ZFHX3: variants seen among roughly 807,000 people sequenced by gnomAD.
The protein encoded by ZFHX3 is zinc finger homeobox protein 3.
ZFHX3 carries 42 observed loss-of-function variants against 279.1 expected under a neutral mutation model. The observed-to-expected ratio is 0.15, with a 90% CI of 0.12 to 0.19. The LOEUF is 0.19. Among genes scored for constraint, ZFHX3 ranks in the 10% least tolerant of loss-of-function variants. The pLI is 1.00. For synonymous variants in ZFHX3, 2,293 were observed against 1,957.8 expected (o/e 1.17, Z -4.52); for missense variants, 4,981 against 4,754.0 (o/e 1.05, Z -1.40).
intron 2 of ZFHX3, among the ~76,000 whole-genome samples, chr16:73,619,367 A>T (rs2052335151): frequency 6.6e-6 from 1 of 151,814 alleles, no homozygotes; most frequent in African/African-American, 2.4e-5. Context: ...GGGCACCTAT[A>T]GTCCCAGCTA....
At chr16:73,234,951 T>C (rs2012895273) in intron 5 of ZFHX3, among the ~76,000 whole-genome samples, 1 of 152,240 alleles carries the variant, frequency 6.6e-6, no homozygotes, top group Non-Finnish European at 1.5e-5. Flanking sequence ...AGAAAAAGAT[T>C]TGATGTCCAC....
At chr16:73,037,792 C>T (rs1267383430) in intron 1 of ZFHX3, among the ~76,000 whole-genome samples, 1 of 152,060 alleles carries the variant, frequency 6.6e-6, no homozygotes, top group Non-Finnish European at 1.5e-5. Flanking sequence ...ACCTGGCTGA[C>T]CCCCATGTCC....
At chr16:73,601,299 CAAAAAAA>C (rs1217744713) in intron 2 of ZFHX3, among the ~76,000 whole-genome samples, 31 of 60,474 alleles carry the variant, frequency 5.1e-4, no homozygotes, top group Middle Eastern at 0.012. Context: ...ACTAAAAATA[CAAAAAAA>C]AAAAAAAAAA....
At chr16:73,854,889 C>T (rs1347584865) in intron 1 of ZFHX3, among the ~76,000 whole-genome samples, 1 of 151,748 alleles carries the variant, frequency 6.6e-6, no homozygotes, top group African/African-American at 2.4e-5. Flanking sequence ...CACAAGGATG[C>T]TACAATTAAA....
At chr16:73,781,938 G>C (rs7206236) in intron 1 of ZFHX3, among the ~76,000 whole-genome samples, 11 of 152,242 alleles carry the variant, frequency 7.2e-5, no homozygotes, top group Non-Finnish European at 1.3e-4. Flanking sequence ...AGTGAGCTGA[G>C]ATCGTGCCAC....
At chr16:73,285,094 C>G (rs748754048) in intron 4 of ZFHX3, among the ~76,000 whole-genome samples, 1 of 152,174 alleles carries the variant, frequency 6.6e-6, no homozygotes, top group Non-Finnish European at 1.5e-5. Flanking sequence ...AAGAATTCTT[C>G]TTTACAAACA....
intron 3 of ZFHX3, among the ~76,000 whole-genome samples, chr16:73,441,383 C>T (rs879106137): frequency 1.3e-5 from 2 of 152,138 alleles, no homozygotes; most frequent in Admixed American, 1.3e-4. Flanking sequence ...CCTGAACTCC[C>T]TGTCATTTTT....
chr16:73,713,463 C>G (rs977629621), intron 1 of ZFHX3, among the ~76,000 whole-genome samples: 1 of 152,086 alleles, frequency 6.6e-6, no homozygotes, highest in Non-Finnish European at 1.5e-5. Context: ...GGCGAGTTTC[C>G]TAGCACAAAC....
At chr16:73,735,907 T>TG (rs1280749638) in intron 1 of ZFHX3, among the ~76,000 whole-genome samples, 3,187 of 15,046 alleles carry the variant, frequency 0.21, 160 homozygotes, top group African/African-American at 0.25. Flanking sequence ...TTTTTTTTTT[T>TG]TTTTTTTTTA....
intron 5 of ZFHX3, among the ~76,000 whole-genome samples, chr16:73,255,419 G>C (rs1597246535): frequency 6.6e-6 from 1 of 152,206 alleles, no homozygotes; most frequent in Non-Finnish European, 1.5e-5. Context: ...TTATGGGTGA[G>C]TGGTTATCTC....
chr16:73,068,946 T>C (rs959390693), intron 8 of ZFHX3, among the ~76,000 whole-genome samples: 2 of 152,218 alleles, frequency 1.3e-5, no homozygotes, highest in African/African-American at 4.8e-5. Context: ...AACTCTGGCC[T>C]CCATGCGCAC....
intron 1 of ZFHX3, among the ~76,000 whole-genome samples, chr16:73,046,124 G>C (rs1261585411): frequency 6.6e-6 from 1 of 152,186 alleles, no homozygotes; most frequent in Non-Finnish European, 1.5e-5. Flanking sequence ...CACACTCTCT[G>C]AAAGGGTGCC....
At chr16:73,754,447 G>A (rs964374826) in intron 1 of ZFHX3, among the ~76,000 whole-genome samples, 1 of 152,032 alleles carries the variant, frequency 6.6e-6, no homozygotes, top group Non-Finnish European at 1.5e-5. Flanking sequence ...GTGCTGAGCA[G>A]GTACCTCTCT....
At chr16:73,649,507 T>A (rs886705405) in intron 2 of ZFHX3, among the ~76,000 whole-genome samples, 2 of 152,210 alleles carry the variant, frequency 1.3e-5, no homozygotes, top group Non-Finnish European at 2.9e-5. Flanking sequence ...TGGGTAAGAT[T>A]ATAGGTATTC....
At position 73,045,646 on chromosome 16, in the gene ZFHX3, T is replaced by C. The variant is rs868078833; in HGVS notation, c.-50+2106A>G. On this transcript the variant is annotated intron_variant, in intron 1 of 9. Transcript: ENST00000268489. ...GGGAAGCAGCATGGATTTACATTATTATTATTATTATTATTATTATTATTA... is the reference window on the plus strand; with the variant it reads ...GGGAAGCAGCATGGATTTACATTATCATTATTATTATTATTATTATTATTA... Among the ~76,000 whole-genome samples the C allele has an allele frequency of 8.0e-3, 753 of 93,678 alleles. 3 individuals carry two copies. The highest frequency in any genetic ancestry group is 0.055 in the African/African-American group (725 of 13,296). The allele number at this position is 93,678 out of a possible 152,430, so 61.5% of individuals were successfully genotyped here.
At chr16:73,316,949 G>T (rs1021378431) in intron 4 of ZFHX3, among the ~76,000 whole-genome samples, 1 of 152,154 alleles carries the variant, frequency 6.6e-6, no homozygotes, top group South Asian at 2.1e-4. Flanking sequence ...CCTTTTGTGA[G>T]ATGTGTAAAG....
intron 4 of ZFHX3, among the ~76,000 whole-genome samples, chr16:73,269,118 T>C (rs910140278): frequency 5.9e-5 from 9 of 152,216 alleles, no homozygotes; most frequent in Non-Finnish European, 1.0e-4. Flanking sequence ...TGTCCTAATT[T>C]GGTATTGATC....
chr16:73,573,241 A>G (rs2143809798), intron 2 of ZFHX3, among the ~76,000 whole-genome samples: 1 of 152,254 alleles, frequency 6.6e-6, no homozygotes, highest in Non-Finnish European at 1.5e-5. Context: ...TCGTGCTCTG[A>G]CACAGAAGAC....
chr16:73,259,590 C>A (rs1403564872), intron 4 of ZFHX3, among the ~76,000 whole-genome samples: 1 of 152,096 alleles, frequency 6.6e-6, no homozygotes, highest in East Asian at 1.9e-4. Context: ...CTGGCAGTGG[C>A]AGAGAAAATG....
Sources: gnomAD v4.1 joint callset for allele counts (sites outside exome capture counted in the v4.1 genomes callset) on GRCh38, gnomAD v4.1.1 for gene constraint, MANE v1.5 for transcripts, NCBI Gene and HGNC (gene_info 2026-07-23, HGNC 2026-07-21) for gene names.